SIPA1L1: variants seen among roughly 807,000 people sequenced by gnomAD.
The protein encoded by SIPA1L1 is signal-induced proliferation-associated 1-like protein 1.
In SIPA1L1, 26 loss-of-function variants were observed where a neutral mutation model predicts 162.7. The ratio of observed to expected loss-of-function variants is 0.16; its 90% CI spans 0.12 to 0.22. The LOEUF (loss-of-function observed/expected upper bound fraction) is 0.22, where lower values mean the gene tolerates loss of function less well. SIPA1L1 is among the 10% of genes least tolerant of loss of function. The pLI, the probability that SIPA1L1 is intolerant of heterozygous loss-of-function variation, is 1.00. For synonymous variants in SIPA1L1, 829 were observed against 837.4 expected (o/e 0.99, Z 0.17); for missense variants, 1,874 against 2,241.0 (o/e 0.84, Z 3.31).
At chr14:71,718,061 G>C (rs17100310) in intron 17 of SIPA1L1, among the ~76,000 whole-genome samples, 5,043 of 152,268 alleles carry the variant, frequency 0.033, 116 homozygotes, top group African/African-American at 0.063. Flanking sequence ...AATTCAACTG[G>C]ATGAGAGTGA....
At chr14:71,403,821 G>T (rs958989257) in intron 2 of SIPA1L1, among the ~76,000 whole-genome samples, 1 of 152,068 alleles carries the variant, frequency 6.6e-6, no homozygotes, top group African/African-American at 2.4e-5. Flanking sequence ...TTGATGGTCT[G>T]GTTTGTAGTC....
intron 2 of SIPA1L1, among the ~76,000 whole-genome samples, chr14:71,437,661 T>C (rs945300730): frequency 6.6e-6 from 1 of 152,178 alleles, no homozygotes; most frequent in African/African-American, 2.4e-5. Context: ...CGCGCCTGGC[T>C]TATTGTACAA....
intron 2 of SIPA1L1, among the ~76,000 whole-genome samples, chr14:71,357,728 AT>A (rs922224099): frequency 6.6e-6 from 1 of 151,944 alleles, no homozygotes; most frequent in Non-Finnish European, 1.5e-5. Context: ...ATGCCGGCTA[AT>A]TTTTGTTGTT....
In SIPA1L1 at chr14:71,624,218, G is replaced by A; in HGVS notation, c.1800G>A (p.Met600Ile). 6.2e-7 allele frequency: 1 copy of A among 1,611,692 alleles called. No individual in the cohort carries two copies. The highest frequency in any genetic ancestry group is 8.5e-7 in the Non-Finnish European group (1 of 1,178,498). Residue 600 changes from methionine (M) to isoleucine (I), a missense_variant, in exon 7 of 24, where the codon ATG (methionine) becomes ATA (isoleucine). This residue lies in a region of SIPA1L1 where 685 missense variants were observed against 828.0 expected (regional missense o/e 0.83). Transcript: ENST00000381232. ...CACCCAAGGTCACAGAGCAGCTCAT[G>A]AAACTGGATGAACAAGGGGTGAGTT... is the stretch of plus-strand genomic sequence containing the variant. ...FNTPKVTEQL[M>I]KLDEQGLNYQ...
chr14:71,582,257 C>T (rs2034033940), intron 4 of SIPA1L1, among the ~76,000 whole-genome samples: 1 of 152,040 alleles, frequency 6.6e-6, no homozygotes, highest in South Asian at 2.1e-4. Flanking sequence ...ATCACTTGAG[C>T]CTGGGAGTTC....
At chr14:71,682,814 T>G (rs1297777170) in intron 12 of SIPA1L1, among the ~76,000 whole-genome samples, 1 of 152,260 alleles carries the variant, frequency 6.6e-6, no homozygotes, top group East Asian at 1.9e-4. Context: ...TATCATTATT[T>G]ATTTTATTAT....
intron 2 of SIPA1L1, among the ~76,000 whole-genome samples, chr14:71,378,244 CTTCT>C (rs1360003049): frequency 1.3e-5 from 2 of 150,316 alleles, no homozygotes; most frequent in South Asian, 2.1e-4. Flanking sequence ...CTGTTATTTT[CTTCT>C]TTCTATTTTG....
intron 3 of SIPA1L1, among the ~76,000 whole-genome samples, chr14:71,523,023 TA>T (rs1463765691): frequency 6.6e-6 from 1 of 152,156 alleles, no homozygotes; most frequent in Non-Finnish European, 1.5e-5. Context: ...ACACTCTGGG[TA>T]ATTTTTCAAG....
chr14:71,578,049 TA>T (rs2033370963), intron 4 of SIPA1L1, among the ~76,000 whole-genome samples: 1 of 152,066 alleles, frequency 6.6e-6, no homozygotes, highest in African/African-American at 2.4e-5. Flanking sequence ...TACCTCGGAT[TA>T]CAGGCACACG....
chr14:71,642,318 A>G (rs1328249160), intron 7 of SIPA1L1, among the ~76,000 whole-genome samples: 1 of 152,120 alleles, frequency 6.6e-6, no homozygotes, highest in East Asian at 1.9e-4. Context: ...TGAGATTGAG[A>G]TGTGAGTCCA....
Position 71,714,842 on chromosome 14 carries a change from A to G in SIPA1L1, c.4208+5178A>G, listed in dbSNP as rs370212048. Among the ~76,000 whole-genome samples the G allele has an allele frequency of 3.3e-5, 5 of 152,314 alleles. No homozygotes were observed. The East Asian group carries it at 5.8e-4, about 18-fold the overall frequency. ...GGCAGTCCTCTCACCTTGGCCTCCCATAGTGCAGGAATTACCGGCATGAGC... is the reference window on the plus strand; with the variant it reads ...GGCAGTCCTCTCACCTTGGCCTCCCGTAGTGCAGGAATTACCGGCATGAGC... On this transcript the variant is annotated intron_variant, in intron 17 of 23. Coordinates refer to ENST00000381232, the MANE Select transcript of SIPA1L1 (RefSeq NM_001386936.1).
chr14:71,377,121 GC>G lies in SIPA1L1; in HGVS notation c.-465+55947del, dbSNP rs528463334. Among the ~76,000 whole-genome samples the G allele has an allele frequency of 5.6e-3, 827 of 146,760 alleles. 8 individuals are homozygous for G. The highest frequency in any genetic ancestry group is 0.02 in the African/African-American group (797 of 39,648). On this transcript the variant is annotated intron_variant, in intron 2 of 23. Transcript: ENST00000381232. The surrounding 1 kb of genome is among the most constrained non-coding windows in gnomAD (Gnocchi z 4.8). ...CCAGATGTGGCGGCCGGGCAGAGGG[GC>G]CCCCCCACCCCCCAGATGGGGCGGC...
intron 10 of SIPA1L1, 24 bp from the exon 11 acceptor site, chr14:71,671,095 C>G (rs1490612796): frequency 6.5e-7 from 1 of 1,535,982 alleles, no homozygotes; most frequent in Non-Finnish European, 8.8e-7. Flanking sequence ...ACTGACGTGG[C>G]TCTCTTTGAT....
intron 5 of SIPA1L1, among the ~76,000 whole-genome samples, chr14:71,603,299 A>T (rs543769052): frequency 6.6e-6 from 1 of 152,146 alleles, no homozygotes; most frequent in East Asian, 1.9e-4. Flanking sequence ...TTTTCAAATC[A>T]GCCGATCTAT....
intron 4 of SIPA1L1, chr14:71,575,052 C>T (rs1215787782): frequency 2.0e-5 from 3 of 152,062 alleles, no homozygotes; most frequent in East Asian, 1.9e-4. Flanking sequence ...CCTCTATTTT[C>T]GGAACCATGA....
At chr14:71,709,930 C>T (rs1230403234) in intron 17 of SIPA1L1, among the ~76,000 whole-genome samples, 1 of 152,192 alleles carries the variant, frequency 6.6e-6, no homozygotes, top group Non-Finnish European at 1.5e-5. Context: ...TTCCTGGCTA[C>T]TACAATTTGA....
intron 14 of SIPA1L1, among the ~76,000 whole-genome samples, chr14:71,699,577 A>T (rs1384723618): frequency 2.0e-5 from 3 of 152,220 alleles, no homozygotes; most frequent in African/African-American, 7.2e-5. Flanking sequence ...AATTCTGACC[A>T]GGCAGGGCAG....
intron 2 of SIPA1L1, among the ~76,000 whole-genome samples, chr14:71,352,844 A>C (rs571683278): frequency 1.3e-5 from 2 of 152,354 alleles, no homozygotes; most frequent in East Asian, 3.9e-4. Context: ...CTCCACAGAC[A>C]TGTCAAGATT....
intron 10 of SIPA1L1, among the ~76,000 whole-genome samples, chr14:71,667,723 G>T (rs1037984720): frequency 6.6e-6 from 1 of 152,108 alleles, no homozygotes; most frequent in African/African-American, 2.4e-5. Context: ...TGCTTCCAAA[G>T]TTCAAATGTC....
Sources: allele counts gnomAD v4.1 joint callset (sites outside exome capture counted in the v4.1 genomes callset), GRCh38; gene constraint gnomAD v4.1.1; regional missense constraint gnomAD v4.1.1; non-coding constraint Gnocchi (gnomAD v3.1); transcripts MANE v1.5; gene names NCBI Gene and HGNC (gene_info 2026-07-23, HGNC 2026-07-21).